Variants in EYS observed in about 807,000 individuals in gnomAD.
EYS encodes the protein EGF-like photoreceptor maintenance factor.
Under a neutral mutation model 282.1 loss-of-function variants are expected in EYS, and 250 were observed. The ratio of observed to expected loss-of-function variants is 0.89; its 90% CI spans 0.80 to 0.98. The LOEUF (loss-of-function observed/expected upper bound fraction) is 0.98. Among genes scored for constraint, EYS ranks in the 50% least tolerant of loss-of-function variants. The pLI is 0.00. For synonymous variants in EYS, 1,355 were observed against 1,282.9 expected, an observed-to-expected ratio of 1.06 and a Z score of -1.20; for missense variants, 4,016 against 3,709.0, an observed-to-expected ratio of 1.08 and a Z score of -2.15.
chr6:65,519,819 T>C (rs1016932084), intron 2 of EYS, among the ~76,000 whole-genome samples: 3 of 144,270 alleles, frequency 2.1e-5, no homozygotes, highest in Non-Finnish European at 3.0e-5. Context: ...GCGGCTTAGG[T>C]GATCCTCCCA....
At chr6:65,150,803 C>A (rs1012626862) in intron 12 of EYS, among the ~76,000 whole-genome samples, 9 of 151,760 alleles carry the variant, frequency 5.9e-5, no homozygotes, top group African/African-American at 1.9e-4. Context: ...TTTTATCTCC[C>A]AAATTTATTG....
intron 1 of EYS, among the ~76,000 whole-genome samples, chr6:65,656,305 A>T (rs536929060): frequency 1.3e-5 from 2 of 152,066 alleles, no homozygotes; most frequent in Admixed American, 6.6e-5. Flanking sequence ...AAAAGCTAGA[A>T]ATGATTATGC....
At chr6:64,707,593 C>T (rs1315964529) in intron 22 of EYS, among the ~76,000 whole-genome samples, 1 of 150,534 alleles carries the variant, frequency 6.6e-6, no homozygotes, top group African/African-American at 2.4e-5. Flanking sequence ...GGCGTGAACC[C>T]GGGAGGCCTT....
intron 12 of EYS, among the ~76,000 whole-genome samples, chr6:65,289,420 T>C (rs1309995972): frequency 6.6e-6 from 1 of 151,016 alleles, no homozygotes; most frequent in Non-Finnish European, 1.5e-5. Context: ...CATGGGAGTA[T>C]GGTATATAGA....
chr6:64,630,222 A>G (rs749458803), intron 22 of EYS, among the ~76,000 whole-genome samples: 21 of 151,986 alleles, frequency 1.4e-4, no homozygotes, highest in Non-Finnish European at 3.1e-4. Context: ...CAGCTTCCCG[A>G]GTAGCTGGGA....
At chr6:65,049,355 T>A (rs1773198396) in intron 13 of EYS, among the ~76,000 whole-genome samples, 1 of 151,752 alleles carries the variant, frequency 6.6e-6, no homozygotes, top group African/African-American at 2.4e-5. Context: ...CTCCCTATTT[T>A]ATTTAAATTT....
chr6:65,648,079 G>C (rs938171242), intron 1 of EYS, among the ~76,000 whole-genome samples: 30 of 152,078 alleles, frequency 2.0e-4, no homozygotes, highest in African/African-American at 7.2e-4. Flanking sequence ...ACTGTTGGTG[G>C]GAATGTAAAC....
chr6:63,910,941 A>G (rs915183291), intron 35 of EYS, among the ~76,000 whole-genome samples: 1 of 152,206 alleles, frequency 6.6e-6, no homozygotes, highest in Admixed American at 6.5e-5. Flanking sequence ...GAAAAAAGAA[A>G]TAAAACATAT....
At chr6:65,113,818 G>T (rs960676121) in intron 12 of EYS, among the ~76,000 whole-genome samples, 10 of 151,950 alleles carry the variant, frequency 6.6e-5, no homozygotes, top group Non-Finnish European at 1.2e-4. Context: ...CACACTACAT[G>T]ATTGTTAAGA....
chr6:64,198,007 T>TTTATTTA (rs553129640), intron 31 of EYS, among the ~76,000 whole-genome samples: 65 of 148,310 alleles, frequency 4.4e-4, no homozygotes, highest in South Asian at 2.3e-3. Flanking sequence ...TTATTTATTT[T>TTTATTTA]TTTGAGACGG....
intron 26 of EYS, among the ~76,000 whole-genome samples, chr6:64,474,305 A>G (rs1173705941): frequency 6.6e-6 from 1 of 152,202 alleles, no homozygotes; most frequent in Non-Finnish European, 1.5e-5. Flanking sequence ...TTTTCCTATT[A>G]TTAAAGTATA....
intron 26 of EYS, among the ~76,000 whole-genome samples, chr6:64,511,280 GAT>G (rs937768455): frequency 5.4e-5 from 8 of 147,438 alleles, no homozygotes; most frequent in South Asian, 2.1e-4. Context: ...TCATATATAT[GAT>G]ATATATGTTT....
chr6:65,247,201 G>A (rs748844477), intron 12 of EYS, among the ~76,000 whole-genome samples: 4 of 151,844 alleles, frequency 2.6e-5, no homozygotes, highest in African/African-American at 4.8e-5. Flanking sequence ...TTGCTCACTC[G>A]GGTCCAACCA....
chr6:64,418,155 C>T (rs1305179536), intron 28 of EYS, among the ~76,000 whole-genome samples: 1 of 152,006 alleles, frequency 6.6e-6, no homozygotes. Context: ...TATCTCCAAT[C>T]CAGGTCTCAA....
chr6:63,838,252 G>A (rs1414363137), intron 36 of EYS, among the ~76,000 whole-genome samples: 2 of 150,726 alleles, frequency 1.3e-5, no homozygotes, highest in Admixed American at 6.6e-5. Context: ...TTAGCCTGCC[G>A]TGTAATTTTT....
intron 35 of EYS, among the ~76,000 whole-genome samples, chr6:63,924,761 C>A (rs979362539): frequency 5.9e-5 from 9 of 152,174 alleles, no homozygotes; most frequent in Non-Finnish European, 1.3e-4. Context: ...ATGGCCAAGA[C>A]AGAATGAATA....
intron 35 of EYS, among the ~76,000 whole-genome samples, chr6:63,908,046 G>T (rs78891207): frequency 2.2e-3 from 164 of 75,584 alleles, no homozygotes; most frequent in Middle Eastern, 0.012. Context: ...TTGTGTGTGT[G>T]TGTGTGTGTG....
intron 40 of EYS, among the ~76,000 whole-genome samples, chr6:63,774,899 T>TA (rs11418361): frequency 0.94 from 133,648 of 141,710 alleles, 63,154 homozygotes; most frequent in Non-Finnish European, 0.98. Flanking sequence ...TTTATTTACC[T>TA]AAAAAAAAAA....
chr6:64,557,547 T>C (rs1185505053), intron 26 of EYS, among the ~76,000 whole-genome samples: 3 of 152,010 alleles, frequency 2.0e-5, no homozygotes, highest in Non-Finnish European at 4.4e-5. Flanking sequence ...TAATGTTGTA[T>C]GGTCTAGTCA....
Sources: allele counts gnomAD v4.1 joint callset (sites outside exome capture counted in the v4.1 genomes callset), GRCh38; gene constraint gnomAD v4.1.1; transcripts MANE v1.5; gene names NCBI Gene and HGNC (gene_info 2026-07-23, HGNC 2026-07-21).